Variants in GRXCR1 observed in about 807,000 individuals in gnomAD.
The protein encoded by GRXCR1 is glutaredoxin and cysteine rich domain containing 1.
In GRXCR1, 27 loss-of-function variants were observed where a neutral mutation model predicts 27.3. The ratio of observed to expected loss-of-function variants is 0.99; its 90% confidence interval spans 0.73 to 1.37. The LOEUF (loss-of-function observed/expected upper bound fraction) is 1.37, where lower values mean the gene tolerates loss of function less well. Ranked by LOEUF, GRXCR1 falls within the 40% of genes most tolerant of loss-of-function variation. The pLI is 0.00. For missense variants in GRXCR1, 379 were observed against 354.4 expected, an observed-to-expected ratio of 1.07 and a Z score of -0.56; for synonymous variants, 122 against 131.1, an observed-to-expected ratio of 0.93 and a Z score of 0.47.
intron 2 of GRXCR1, among the ~76,000 whole-genome samples, chr4:42,985,593 C>T (rs1711688713): frequency 6.6e-6 from 1 of 151,748 alleles, no homozygotes; most frequent in Admixed American, 6.6e-5. Flanking sequence ...TTAGTATTCT[C>T]TCAACCACCA....
At chr4:42,907,895 T>G (rs1022278573) in intron 1 of GRXCR1, among the ~76,000 whole-genome samples, 1 of 152,110 alleles carries the variant, frequency 6.6e-6, no homozygotes, top group Non-Finnish European at 1.5e-5. Context: ...TCCATGTGAG[T>G]GACTGGGAGT....
Position 42,990,851 on chromosome 4 carries a change from G to A in GRXCR1, c.627+27717G>A, listed in dbSNP as rs770378788. 5.3e-5 allele frequency among the ~76,000 whole-genome samples: 8 copies of A among 151,926 alleles called. No homozygotes were observed. In the East Asian group the frequency reaches 5.8e-4, roughly 11 times the overall value. ...TTTACATATATATATGCATATATGC[G>A]TACATAAATGCCACACAGTTGTTAA... On this transcript the variant is annotated intron_variant, in intron 2 of 3. Transcript: ENST00000399770.
intron 2 of GRXCR1, among the ~76,000 whole-genome samples, chr4:42,967,980 C>T (rs1234087856): frequency 6.6e-6 from 1 of 152,066 alleles, no homozygotes; most frequent in Non-Finnish European, 1.5e-5. Context: ...TCCTTTAATT[C>T]TTTCAGATAG....
At chr4:43,027,617 A>G (rs964129333) in intron 3 of GRXCR1, among the ~76,000 whole-genome samples, 1 of 152,230 alleles carries the variant, frequency 6.6e-6, no homozygotes, top group African/African-American at 2.4e-5. Flanking sequence ...GCTGCATAGC[A>G]CTAACATTTC....
chr4:42,925,962 A>C (rs1017694817), intron 1 of GRXCR1, among the ~76,000 whole-genome samples: 1 of 152,036 alleles, frequency 6.6e-6, no homozygotes, highest in African/African-American at 2.4e-5. Flanking sequence ...TTAATGACTT[A>C]TTAAATACTG....
chr4:42,893,690 A>T (rs1441614641), intron 1 of GRXCR1, 40 bp downstream of exon 1: 2 of 1,596,520 alleles, frequency 1.3e-6, no homozygotes, highest in South Asian at 2.2e-5. Flanking sequence ...CTTTGTTCCT[A>T]ACTCACCATC....
At chr4:43,020,866 A>G (rs1019465238) in intron 3 of GRXCR1, among the ~76,000 whole-genome samples, 1 of 152,224 alleles carries the variant, frequency 6.6e-6, no homozygotes, top group Admixed American at 6.5e-5. Flanking sequence ...GTGCTTATAC[A>G]TATAGCATCA....
chr4:42,941,717 T>C (rs1747627822), intron 1 of GRXCR1, among the ~76,000 whole-genome samples: 1 of 152,000 alleles, frequency 6.6e-6, no homozygotes, highest in South Asian at 2.1e-4. Context: ...GTGTGGGCCT[T>C]AGTTGGCATT....
At chr4:43,026,929 C>T (rs1223657267) in intron 3 of GRXCR1, among the ~76,000 whole-genome samples, 1 of 152,158 alleles carries the variant, frequency 6.6e-6, no homozygotes, top group Non-Finnish European at 1.5e-5. Context: ...ATCTTTCCAG[C>T]ACTATTCTCC....
At chr4:42,898,460 T>A (rs1031709310) in intron 1 of GRXCR1, among the ~76,000 whole-genome samples, 1 of 152,150 alleles carries the variant, frequency 6.6e-6, no homozygotes, top group African/African-American at 2.4e-5. Context: ...TGGGTAGTGT[T>A]AACACACCTT....
At chr4:42,982,370 A>G (rs1366730931) in intron 2 of GRXCR1, among the ~76,000 whole-genome samples, 144 of 134,152 alleles carry the variant, frequency 1.1e-3, no homozygotes, top group African/African-American at 4.0e-3. Context: ...CCATGTCCCT[A>G]CAAAGGACAT....
At chr4:42,959,712 A>G (rs1748088255) in intron 1 of GRXCR1, among the ~76,000 whole-genome samples, 1 of 151,960 alleles carries the variant, frequency 6.6e-6, no homozygotes, top group South Asian at 2.1e-4. Context: ...TTTAAAATGT[A>G]GATTCTGAGT....
At chr4:42,918,549 C>A (rs1190054199) in intron 1 of GRXCR1, among the ~76,000 whole-genome samples, 2 of 152,088 alleles carry the variant, frequency 1.3e-5, no homozygotes, top group Non-Finnish European at 2.9e-5. Context: ...GTGCTCTGGG[C>A]TGAAGTCCTT....
At chr4:43,009,540 A>G (rs576639261) in intron 2 of GRXCR1, among the ~76,000 whole-genome samples, 2 of 152,192 alleles carry the variant, frequency 1.3e-5, no homozygotes, top group Non-Finnish European at 2.9e-5. Flanking sequence ...TACAAACAAC[A>G]GAAATTCATT....
intron 2 of GRXCR1, among the ~76,000 whole-genome samples, chr4:42,995,052 G>T (rs1338749304): frequency 6.6e-6 from 1 of 152,030 alleles, no homozygotes; most frequent in African/African-American, 2.4e-5. Context: ...TTATTAAACT[G>T]AATATTTATC....
At chr4:42,990,921 A>G (rs578238764) in intron 2 of GRXCR1, among the ~76,000 whole-genome samples, 19 of 152,224 alleles carry the variant, frequency 1.2e-4, no homozygotes, top group African/African-American at 4.6e-4. Context: ...ATTTTAATCT[A>G]CTTTTTCATC....
At chr4:43,005,100 G>C (rs1292315764) in intron 2 of GRXCR1, among the ~76,000 whole-genome samples, 2 of 152,188 alleles carry the variant, frequency 1.3e-5, no homozygotes, top group Non-Finnish European at 2.9e-5. Context: ...TAGTGAGTGA[G>C]TTCTCATGAG....
Position 43,005,085 on chromosome 4 carries a change from C to T in GRXCR1, c.628-15269C>T, listed in dbSNP as rs187163579. Among the ~76,000 whole-genome samples, 56 of 152,290 alleles carry T rather than the reference C, an allele frequency of 3.7e-4. 1 individual carries two copies. The East Asian group carries it at 0.01, about 28-fold the overall frequency. On this transcript the variant is annotated intron_variant, in intron 2 of 3. Transcript: ENST00000399770. ...GGGGCAGTTTGCCTCATGCTGTTCT[C>T]ATGATAGTGAGTGAGTTCTCATGAG...
At chr4:42,983,367 G>C (rs571578815) in intron 2 of GRXCR1, among the ~76,000 whole-genome samples, 7 of 148,982 alleles carry the variant, frequency 4.7e-5, no homozygotes, top group African/African-American at 1.7e-4. Context: ...GATAGTTGTA[G>C]ATATGCGGCG....
Sources: allele counts gnomAD v4.1 joint callset (sites outside exome capture counted in the v4.1 genomes callset), GRCh38; gene constraint gnomAD v4.1.1; transcripts MANE v1.5; gene names NCBI Gene and HGNC (gene_info 2026-07-23, HGNC 2026-07-21).